PLD5: variants seen among roughly 807,000 people sequenced by gnomAD.
The protein encoded by PLD5 is inactive phospholipase D5.
PLD5 carries 36 observed loss-of-function variants against 61.1 expected under a neutral mutation model. The observed-to-expected ratio is 0.59, with a 90% CI of 0.45 to 0.78. PLD5 has a LOEUF of 0.78. PLD5 is among the 30% of genes least tolerant of loss of function. PLD5 has a pLI of 0.00. For missense variants in PLD5, 515 were observed against 644.4 expected, an observed-to-expected ratio of 0.80 and a Z score of 2.17; for synonymous variants, 243 against 242.8, an observed-to-expected ratio of 1.00 and a Z score of -0.01.
chr1:242,314,271 T>C (rs1676877788), intron 2 of PLD5, among the ~76,000 whole-genome samples: 1 of 152,174 alleles, frequency 6.6e-6, no homozygotes. Flanking sequence ...CTTAAAGAGA[T>C]ACAAGCCAGA....
intron 5 of PLD5, among the ~76,000 whole-genome samples, chr1:242,194,473 T>A (rs1437485393): frequency 6.6e-6 from 1 of 152,268 alleles, no homozygotes; most frequent in Admixed American, 6.5e-5. Context: ...CACACATACA[T>A]GTTTACAGCA....
At chr1:242,392,278 C>A (rs1282726757) in intron 1 of PLD5, among the ~76,000 whole-genome samples, 1 of 152,058 alleles carries the variant, frequency 6.6e-6, no homozygotes, top group Non-Finnish European at 1.5e-5. Flanking sequence ...AGAGAGAGGG[C>A]AAGAGTTGAA....
intron 4 of PLD5, among the ~76,000 whole-genome samples, chr1:242,261,044 T>C (rs1267281061): frequency 6.6e-6 from 1 of 152,154 alleles, no homozygotes; most frequent in Non-Finnish European, 1.5e-5. Context: ...GGTTCTAAAA[T>C]TTGTTTCAAA....
At chr1:242,414,596 CAT>C (rs1413358762) in intron 1 of PLD5, among the ~76,000 whole-genome samples, 2 of 152,092 alleles carry the variant, frequency 1.3e-5, no homozygotes, top group Non-Finnish European at 2.9e-5. Context: ...ATGGGAAAAA[CAT>C]AGTCATTTTC....
intron 1 of PLD5, among the ~76,000 whole-genome samples, chr1:242,397,549 C>T (rs370004339): frequency 1.9e-4 from 29 of 152,054 alleles, no homozygotes; most frequent in Admixed American, 1.5e-3. Flanking sequence ...TAAGGCTCAA[C>T]GCATGCAAAA....
rs1164280169 is a variant in PLD5, at chr1:242,282,401, G to A, written c.495+5961C>T. On this transcript the variant is annotated intron_variant, in intron 3 of 9. Transcript: ENST00000536534. ...CTTGCTAAGATCTGCTAACCACTGTGTAGAGGTAGGATCCAGGCTCGTACT... is the reference window on the plus strand; with the variant it reads ...CTTGCTAAGATCTGCTAACCACTGTATAGAGGTAGGATCCAGGCTCGTACT... 5.9e-5 allele frequency among the ~76,000 whole-genome samples: 9 copies of A among 152,266 alleles called. No individual in the cohort carries two copies. The South Asian group carries it at 1.9e-3, about 32-fold the overall frequency.
intron 5 of PLD5, among the ~76,000 whole-genome samples, chr1:242,167,412 A>G (rs1196199985): frequency 6.6e-6 from 1 of 152,148 alleles, no homozygotes; most frequent in Non-Finnish European, 1.5e-5. Flanking sequence ...GCCCTTTATG[A>G]AACCGTCAGA....
chr1:242,400,210 T>C (rs1663846129), intron 1 of PLD5, among the ~76,000 whole-genome samples: 1 of 151,408 alleles, frequency 6.6e-6, no homozygotes, highest in Admixed American at 6.6e-5. Context: ...AGAATCTAAC[T>C]GATCTGAAGT....
chr1:242,132,178 G>A (rs1238330025), intron 5 of PLD5, among the ~76,000 whole-genome samples: 1 of 137,048 alleles, frequency 7.3e-6, no homozygotes, highest in Non-Finnish European at 1.6e-5. Context: ...TCATCAAAGA[G>A]AATGCAGTGA....
chr1:242,482,566 C>A (rs1667815585), intron 1 of PLD5, among the ~76,000 whole-genome samples: 1 of 152,206 alleles, frequency 6.6e-6, no homozygotes, highest in African/African-American at 2.4e-5. Flanking sequence ...TGTGAAAAGA[C>A]CAAATCTATG....
the PLD5 span, among the ~76,000 whole-genome samples, chr1:242,529,800 T>TTCCTTCCTTCCTTCCTTCCC: frequency 1.3e-5 from 2 of 149,850 alleles, no homozygotes; most frequent in African/African-American, 5.0e-5. Flanking sequence ...CCTTCCTTCC[T>TTCCTTCCTTCCTTCCTTCCC]TCCTTCCTTC....
chr1:242,396,950 T>C (rs538692125), intron 1 of PLD5, among the ~76,000 whole-genome samples: 4 of 152,238 alleles, frequency 2.6e-5, no homozygotes, highest in African/African-American at 7.2e-5. Context: ...AGTGCTGGGA[T>C]TACAGGCGTG....
At chr1:242,145,568 A>C (rs918935466) in intron 5 of PLD5, among the ~76,000 whole-genome samples, 1 of 152,210 alleles carries the variant, frequency 6.6e-6, no homozygotes, top group Non-Finnish European at 1.5e-5. Context: ...GATGAATGCA[A>C]AGATTCAGTG....
chr1:242,215,419 G>A (rs2164417), intron 5 of PLD5, among the ~76,000 whole-genome samples: 3 of 151,894 alleles, frequency 2.0e-5, no homozygotes, highest in South Asian at 2.1e-4. Flanking sequence ...GTAAAGACCC[G>A]GCAACACTAT....
At chr1:242,379,398 G>A (rs756554224) in intron 1 of PLD5, among the ~76,000 whole-genome samples, 14 of 152,110 alleles carry the variant, frequency 9.2e-5, no homozygotes, top group Non-Finnish European at 1.6e-4. Context: ...AAAGGTTTGT[G>A]CAAATAAAGC....
intron 2 of PLD5, among the ~76,000 whole-genome samples, chr1:242,300,471 AAAGAAAG>A (rs143596864): frequency 0.057 from 8,548 of 150,524 alleles, 292 homozygotes; most frequent in Middle Eastern, 0.11. Context: ...AGAAAGAAAG[AAAGAAAG>A]AAGAAGAAAT....
At chr1:242,099,291 T>G (rs1660497897) in intron 9 of PLD5, among the ~76,000 whole-genome samples, 1 of 151,754 alleles carries the variant, frequency 6.6e-6, no homozygotes, top group African/African-American at 2.4e-5. Context: ...TCCAGCAAAT[T>G]TTTTTGGTAT....
intron 7 of PLD5, among the ~76,000 whole-genome samples, chr1:242,113,634 G>A (rs1279695331): frequency 6.6e-6 from 1 of 152,104 alleles, no homozygotes; most frequent in Non-Finnish European, 1.5e-5. Flanking sequence ...TCTTTTGAAA[G>A]TTACTCTCAT....
intron 5 of PLD5, among the ~76,000 whole-genome samples, chr1:242,159,874 G>A (rs1019391722): frequency 1.3e-5 from 2 of 152,128 alleles, no homozygotes; most frequent in Admixed American, 6.5e-5. Flanking sequence ...AACTTGGTGA[G>A]GTCCATGGAG....
Sources: allele counts gnomAD v4.1 joint callset (sites outside exome capture counted in the v4.1 genomes callset), GRCh38; gene constraint gnomAD v4.1.1; transcripts MANE v1.5; gene names NCBI Gene and HGNC (gene_info 2026-07-23, HGNC 2026-07-21).